IFITM1: variants seen among roughly 807,000 people sequenced by gnomAD.
The protein encoded by IFITM1 is interferon-induced transmembrane protein 1.
Under a neutral mutation model 4.0 loss-of-function variants are expected in IFITM1, and 1 was observed. The observed-to-expected ratio is 0.25, with a 90% confidence interval of 0.09 to 1.18. The LOEUF is 1.18. Ranked by LOEUF, IFITM1 falls within the 50% of genes most tolerant of loss-of-function variation. IFITM1 has a pLI of 0.50. For missense variants in IFITM1, 131 were observed against 163.2 expected (o/e 0.80, Z 1.08); for synonymous variants, 79 against 69.7 (o/e 1.13, Z -0.67).
rs1215546939 is a variant in IFITM1 at position 315,021 on chromosome 11, A to G, written c.286A>G (p.Met96Val). 6.2e-7 allele frequency: 1 copy of G among 1,613,930 alleles called. No homozygotes were observed. The highest frequency in any genetic ancestry group is 1.7e-5 in the Admixed American group (1 of 60,012). ...CTGGGCCCTGATTCTGGGCATCCTCATGACCATTGGATTCATCCTGTTACT... is the reference window on the plus strand; with the variant it reads ...CTGGGCCCTGATTCTGGGCATCCTCGTGACCATTGGATTCATCCTGTTACT... ...NIWALILGIL[M>V]TIGFILLLVF... The change falls in exon 2 of 2, where the codon ATG becomes GTG. Residue 96 changes from methionine to valine, a missense_variant. Physicochemically the swap from Met to Val is conservative, Grantham distance 21. This residue lies in a region of IFITM1 where 19 missense variants were observed against 53.0 expected (regional missense o/e 0.36). Coordinates refer to ENST00000408968, the MANE Select transcript of IFITM1 (RefSeq NM_003641.5).
In IFITM1 at chr11:314,348, T is replaced by G; in HGVS notation, c.178T>G (p.Ser60Ala). Residue 60 changes from serine (S) to alanine (A), a missense_variant, in exon 1 of 2, where the codon TCC (serine) becomes GCC (alanine). Around this residue, in one of 3 missense-constraint regions of IFITM1, gnomAD observed 77 missense variants for 80.1 expected, o/e 0.96. Transcript: ENST00000408968. This position sits in a 1 kb window ranked among gnomAD's most constrained non-coding sequence, Gnocchi z 4.5. ...CCLGFIAFAY[S>A]VKSRDRKMVG... The stretch of plus-strand genomic sequence containing the variant: ...TCTGGGCTTCATAGCATTCGCCTAC[T>G]CCGTGAAGGTGCGTATGGCCCTGGC... The G allele has an allele frequency of 6.2e-7, 1 of 1,613,966 alleles. No homozygotes were observed. The highest frequency in any genetic ancestry group is 8.5e-7 in the Non-Finnish European group (1 of 1,179,864).
In IFITM1 at chr11:314,617, T is replaced by C. The variant is rs1335617616; in HGVS notation, c.186+261T>C. On this transcript the variant is annotated intron_variant, in intron 1 of 1. Transcript: ENST00000408968. The surrounding 1 kb of genome is among the most constrained non-coding windows in gnomAD (Gnocchi z 4.5). ...CTCAGAGTCTGTCCCTGGCTATCCA[T>C]TAGCCCAGAGCAATTCTCCCTATAG... Among the ~76,000 whole-genome samples, 5 of 152,294 alleles carry C rather than the reference T, an allele frequency of 3.3e-5. No individual in the cohort carries two copies. The highest frequency in any genetic ancestry group is 2.1e-4 in the South Asian group (1 of 4,826).
In IFITM1 at chr11:314,215, C is replaced by T. The variant is rs11552363; in HGVS notation, c.45C>T (p.Pro15=). The change falls in exon 1 of 2, where the codon CCC becomes CCT. Residue 15 remains proline (P), a synonymous_variant. Transcript: ENST00000408968. The surrounding 1 kb of genome is among the most constrained non-coding windows in gnomAD (Gnocchi z 4.5). ...EHEVAVLGPP[P]STILPRSTVI... is the part of the protein sequence containing the mutation. ...AGGTGGCTGTGCTGGGGCCACCCCC[C>T]AGCACCATCCTTCCAAGGTCCACCG... 1.2e-6 allele frequency: 2 copies of T among 1,613,786 alleles called. No individual in the cohort carries two copies. The highest frequency in any genetic ancestry group is 1.7e-6 in the Non-Finnish European group (2 of 1,179,920).
Position 314,062 on chromosome 11 carries a change from C to A in IFITM1, c.-109C>A. 2.3e-6 allele frequency: 2 copies of A among 857,004 alleles called. No individual in the cohort carries two copies. The highest frequency in any genetic ancestry group is 2.5e-5 in the East Asian group (1 of 40,112). 53.1% of individuals were successfully genotyped at this position (857,004 alleles called of 1,614,324 possible). Reference sequence around the variant, plus strand: ...ACTGAAACGACAGGGGAAAGGAGGTCTCACTGAGCACCGTCCCAGCATCCG... The same window carrying A: ...ACTGAAACGACAGGGGAAAGGAGGTATCACTGAGCACCGTCCCAGCATCCG... On this transcript the variant is annotated 5_prime_UTR_variant, in exon 1 of 2. Transcript: ENST00000408968. The surrounding 1 kb of genome is among the most constrained non-coding windows in gnomAD (Gnocchi z 4.5).
Position 314,291 on chromosome 11 carries a change from C to A in IFITM1, c.121C>A (p.Leu41Met). ...CGTGCCCGACCATGTCGTCTGGTCC[C>A]TGTTCAACACCCTCTTCTTGAACTG... ...TSVPDHVVWS[L>M]FNTLFLNWCC... Residue 41 changes from leucine to methionine, a missense_variant, in exon 1 of 2, where the codon CTG (leucine) becomes ATG (methionine). Leu to Met is a conservative substitution (Grantham distance 15). Coordinates refer to ENST00000408968, the MANE Select transcript of IFITM1 (RefSeq NM_003641.5). This position sits in a 1 kb window ranked among gnomAD's most constrained non-coding sequence, Gnocchi z 4.5. 1.9e-6 allele frequency: 3 copies of A among 1,613,988 alleles called. No homozygotes were observed. The highest frequency in any genetic ancestry group is 2.2e-5 in the East Asian group (1 of 44,870).
chr11:314,861 G>A lies in IFITM1; in HGVS notation c.187-61G>A, dbSNP rs891469894. On this transcript the variant is annotated intron_variant, in intron 1 of 1. Transcript: ENST00000408968. This position sits in a 1 kb window ranked among gnomAD's most constrained non-coding sequence, Gnocchi z 4.5. The stretch of plus-strand genomic sequence containing the variant: ...GATCTCAGGGCGGGGAGGAGACGGA[G>A]CCATAGCACGCGGCTCTCAGCTGGG... 3.1e-5 allele frequency: 49 copies of A among 1,604,442 alleles called. No individual in the cohort carries two copies. The Admixed American group carries it at 7.9e-4, about 26-fold the overall frequency.
Position 314,389 on chromosome 11 carries a change from G to A in IFITM1, c.186+33G>A, listed in dbSNP as rs1254032966. ...TGGCCCTGGCGGAAATCCAGGGGGTGCCGGTGAGCCTGGGGCTCCACCTGC... is the reference window on the plus strand; with the variant it reads ...TGGCCCTGGCGGAAATCCAGGGGGTACCGGTGAGCCTGGGGCTCCACCTGC... On this transcript the variant is annotated intron_variant, in intron 1 of 1. Coordinates refer to ENST00000408968, the MANE Select transcript of IFITM1 (RefSeq NM_003641.5). This position sits in a 1 kb window ranked among gnomAD's most constrained non-coding sequence, Gnocchi z 4.5. The A allele has an allele frequency of 1.2e-6, 2 of 1,612,080 alleles. No individual in the cohort carries two copies. The highest frequency in any genetic ancestry group is 1.7e-5 in the Admixed American group (1 of 59,982).
chr11:314,896 T>G lies in IFITM1; in HGVS notation c.187-26T>G. 2 of 1,608,886 alleles carry G rather than the reference T, an allele frequency of 1.2e-6. No individual in the cohort carries two copies. Among genetic ancestry groups the G allele is most frequent in the Non-Finnish European group, 1.7e-6 (2 of 1,177,824 alleles). On this transcript the variant is annotated intron_variant, in intron 1 of 1. Transcript: ENST00000408968. This position sits in a 1 kb window ranked among gnomAD's most constrained non-coding sequence, Gnocchi z 4.5. ...GCGGCTCTCAGCTGGGGGATCCTGG[T>G]CCCCTCACCATCTCCTCTCCCCCAG...
In IFITM1 at chr11:314,614, C is replaced by T. The variant is rs1393968453; in HGVS notation, c.186+258C>T. On this transcript the variant is annotated intron_variant, in intron 1 of 1. Coordinates refer to ENST00000408968, the MANE Select transcript of IFITM1 (RefSeq NM_003641.5). The surrounding 1 kb of genome is among the most constrained non-coding windows in gnomAD (Gnocchi z 4.5). ...TGGCTCAGAGTCTGTCCCTGGCTAT[C>T]CATTAGCCCAGAGCAATTCTCCCTA... 4.6e-5 allele frequency among the ~76,000 whole-genome samples: 7 copies of T among 152,324 alleles called. No individual in the cohort carries two copies. The East Asian group carries it at 1.3e-3, about 29-fold the overall frequency.
In IFITM1 at chr11:314,086, C is replaced by A; in HGVS notation, c.-85C>A. 2 of 1,209,916 alleles carry A rather than the reference C, an allele frequency of 1.7e-6. No homozygotes were observed. Among genetic ancestry groups the A allele is most frequent in the Non-Finnish European group, 2.4e-6 (2 of 825,414 alleles). The allele number at this position is 1,209,916 out of a possible 1,614,324, so 74.9% of individuals were successfully genotyped here. On this transcript the variant is annotated 5_prime_UTR_variant, in exon 1 of 2. Coordinates refer to ENST00000408968, the MANE Select transcript of IFITM1 (RefSeq NM_003641.5). The surrounding 1 kb of genome is among the most constrained non-coding windows in gnomAD (Gnocchi z 4.5). ...TCTCACTGAGCACCGTCCCAGCATC[C>A]GGACACCACAGCGGCCCTTCGCTCC...
chr11:314,091 A>G lies in IFITM1; in HGVS notation c.-80A>G, dbSNP rs530385282. 1.6e-4 allele frequency: 204 copies of G among 1,277,886 alleles called. 2 individuals are homozygous for G. In the South Asian group the frequency reaches 2.4e-3, roughly 15 times the overall value. 79.2% of individuals were successfully genotyped at this position (1,277,886 alleles called of 1,614,324 possible). ...CTGAGCACCGTCCCAGCATCCGGAC[A>G]CCACAGCGGCCCTTCGCTCCACGCA... On this transcript the variant is annotated 5_prime_UTR_variant, in exon 1 of 2. Coordinates refer to ENST00000408968, the MANE Select transcript of IFITM1 (RefSeq NM_003641.5). This position sits in a 1 kb window ranked among gnomAD's most constrained non-coding sequence, Gnocchi z 4.5.
chr11:314,179 G>A lies in IFITM1; in HGVS notation c.9G>A (p.Lys3=), dbSNP rs1227057942. Reference sequence around the variant, plus strand: ...TTCCCCAAAGCCAGAAGATGCACAAGGAGGAACATGAGGTGGCTGTGCTGG... The same window carrying A: ...TTCCCCAAAGCCAGAAGATGCACAAAGAGGAACATGAGGTGGCTGTGCTGG... MH[K]EEHEVAVLGP... is the part of the protein sequence containing the mutation. The change falls in exon 1 of 2, where the codon AAG becomes AAA. Residue 3 remains lysine, a synonymous_variant. Coordinates refer to ENST00000408968, the MANE Select transcript of IFITM1 (RefSeq NM_003641.5). This position sits in a 1 kb window ranked among gnomAD's most constrained non-coding sequence, Gnocchi z 4.5. The A allele has an allele frequency of 6.2e-7, 1 of 1,613,918 alleles. No homozygotes were observed. The highest frequency in any genetic ancestry group is 1.7e-5 in the Admixed American group (1 of 60,016).
Position 315,187 on chromosome 11 carries a change from G to T in IFITM1, c.*74G>T. The T allele has an allele frequency of 6.8e-7, 1 of 1,472,228 alleles. No individual in the cohort carries two copies. Among genetic ancestry groups the T allele is most frequent in the Non-Finnish European group, 9.4e-7 (1 of 1,062,414 alleles). 91.2% of individuals were successfully genotyped at this position (1,472,228 alleles called of 1,614,324 possible). On this transcript the variant is annotated 3_prime_UTR_variant, in exon 2 of 2. Transcript: ENST00000408968. ...CCTGCACGCTGGGGCTGTTGCCCCTGCCCCCTTGGTCCTGCCCCTAGATAC... is the reference window on the plus strand; with the variant it reads ...CCTGCACGCTGGGGCTGTTGCCCCTTCCCCCTTGGTCCTGCCCCTAGATAC...
rs752455154 is a variant in IFITM1 at position 314,927 on chromosome 11, G to A, written c.192G>A (p.Arg64=). The A allele has an allele frequency of 1.2e-6, 2 of 1,612,886 alleles. No homozygotes were observed. Among genetic ancestry groups the A allele is most frequent in the East Asian group, 4.5e-5 (2 of 44,882 alleles). The part of the protein sequence containing the change: ...FIAFAYSVKS[R]DRKMVGDVTG... ...CACCATCTCCTCTCCCCCAGTCTAGGGACAGGAAGATGGTTGGCGACGTGA... is the reference window on the plus strand; with the variant it reads ...CACCATCTCCTCTCCCCCAGTCTAGAGACAGGAAGATGGTTGGCGACGTGA... The change falls in exon 2 of 2, where the codon AGG becomes AGA. Residue 64 remains arginine, a synonymous_variant. Coordinates refer to ENST00000408968, the MANE Select transcript of IFITM1 (RefSeq NM_003641.5). The surrounding 1 kb of genome is among the most constrained non-coding windows in gnomAD (Gnocchi z 4.5).
Position 315,199 on chromosome 11 carries a change from C to A in IFITM1, c.*86C>A. 1 of 1,335,538 alleles carries A rather than the reference C, an allele frequency of 7.5e-7. No homozygotes were observed. Among genetic ancestry groups the A allele is most frequent in the Middle Eastern group, 2.0e-4 (1 of 4,950 alleles). The allele number at this position is 1,335,538 out of a possible 1,614,324, so 82.7% of individuals were successfully genotyped here. On this transcript the variant is annotated 3_prime_UTR_variant, in exon 2 of 2. Coordinates refer to ENST00000408968, the MANE Select transcript of IFITM1 (RefSeq NM_003641.5). ...GGCTGTTGCCCCTGCCCCCTTGGTC[C>A]TGCCCCTAGATACAGCAGTTTATAC...
At position 314,978 on chromosome 11, in the gene IFITM1, C is replaced by G; in HGVS notation, c.243C>G (p.Thr81=). Residue 81 remains threonine (T), a synonymous_variant, in exon 2 of 2, where the codon ACC becomes ACG. Coordinates refer to ENST00000408968, the MANE Select transcript of IFITM1 (RefSeq NM_003641.5). This position sits in a 1 kb window ranked among gnomAD's most constrained non-coding sequence, Gnocchi z 4.5. ...DVTGAQAYAS[T]AKCLNIWALI... The stretch of plus-strand genomic sequence containing the variant: ...CCGGGGCCCAGGCCTATGCCTCCAC[C>G]GCCAAGTGCCTGAACATCTGGGCCC... 6.2e-7 allele frequency: 1 copy of G among 1,614,126 alleles called. No individual in the cohort carries two copies. Among genetic ancestry groups the G allele is most frequent in the Non-Finnish European group, 8.5e-7 (1 of 1,180,012 alleles).
In IFITM1 at chr11:314,338, A is replaced by G. The variant is rs1028380128; in HGVS notation, c.168A>G (p.Ala56=). The change falls in exon 1 of 2, where the codon GCA becomes GCG. Residue 56 remains alanine, a synonymous_variant. Transcript: ENST00000408968. This position sits in a 1 kb window ranked among gnomAD's most constrained non-coding sequence, Gnocchi z 4.5. ...FLNWCCLGFI[A]FAYSVKSRDR... ...ACTGGTGCTGTCTGGGCTTCATAGCATTCGCCTACTCCGTGAAGGTGCGTA... is the reference window on the plus strand; with the variant it reads ...ACTGGTGCTGTCTGGGCTTCATAGCGTTCGCCTACTCCGTGAAGGTGCGTA... 6.2e-7 allele frequency: 1 copy of G among 1,613,924 alleles called. No individual in the cohort carries two copies. The highest frequency in any genetic ancestry group is 8.5e-7 in the Non-Finnish European group (1 of 1,179,850).
Position 315,140 on chromosome 11 carries a change from C to A in IFITM1, c.*27C>A. 2 of 1,609,790 alleles carry A rather than the reference C, an allele frequency of 1.2e-6. No individual in the cohort carries two copies. The highest frequency in any genetic ancestry group is 1.7e-6 in the Non-Finnish European group (2 of 1,176,886). ...AGCCGCCCATAGCCTGCAACCTTTG[C>A]ACTCCACTGTGCAATGCTGGCCCTG... On this transcript the variant is annotated 3_prime_UTR_variant, in exon 2 of 2. Transcript: ENST00000408968.
At position 314,147 on chromosome 11, in the gene IFITM1, C is replaced by T. The variant is rs1377393645; in HGVS notation, c.-24C>T. ...CCACACTTCTCAAACCTTCACTCAA[C>T]ACTTCCTTCCCCAAAGCCAGAAGAT... On this transcript the variant is annotated 5_prime_UTR_variant, in exon 1 of 2. Transcript: ENST00000408968. The surrounding 1 kb of genome is among the most constrained non-coding windows in gnomAD (Gnocchi z 4.5). 1 of 1,611,440 alleles carries T rather than the reference C, an allele frequency of 6.2e-7. No homozygotes were observed. The highest frequency in any genetic ancestry group is 8.5e-7 in the Non-Finnish European group (1 of 1,178,060).
Sources: allele counts gnomAD v4.1 joint callset (sites outside exome capture counted in the v4.1 genomes callset), GRCh38; gene constraint gnomAD v4.1.1; regional missense constraint gnomAD v4.1.1; non-coding constraint Gnocchi (gnomAD v3.1); transcripts MANE v1.5; gene names NCBI Gene and HGNC (gene_info 2026-07-23, HGNC 2026-07-21).